Variants in CWF19L2 observed in about 807,000 individuals in gnomAD.
CWF19L2 encodes CWF19 like cell cycle control factor 2, also known as CWF19-like protein 2.
CWF19L2 carries 98 observed loss-of-function variants against 111.7 expected under a neutral mutation model. That is an observed-to-expected ratio of 0.88 (90% confidence interval 0.75 to 1.04). The LOEUF is 1.04. Among genes scored for constraint, CWF19L2 ranks in the 50% least tolerant of loss-of-function variants. The pLI, the probability that CWF19L2 is intolerant of heterozygous loss-of-function variation, is 0.00. For missense variants in CWF19L2, 1,101 were observed against 1,051.4 expected, an observed-to-expected ratio of 1.05 and a Z score of -0.65; for synonymous variants, 351 against 342.9, an observed-to-expected ratio of 1.02 and a Z score of -0.26.
Position 107,360,210 on chromosome 11 carries a change from T to C in CWF19L2, c.1873-6474A>G, listed in dbSNP as rs144879222. 8.9e-3 allele frequency among the ~76,000 whole-genome samples: 1,359 copies of C among 152,374 alleles called. 15 individuals are homozygous for C. The highest frequency in any genetic ancestry group is 0.014 in the Non-Finnish European group (966 of 68,034). On this transcript the variant is annotated intron_variant, in intron 12 of 17. Coordinates refer to ENST00000282251, the MANE Select transcript of CWF19L2 (RefSeq NM_152434.3). Reference sequence around the variant, plus strand: ...CCCACTTAAAAGTGAGAACATGTGATATTTGTCTTTCTGTGCCCGACTTGT... The same window carrying C: ...CCCACTTAAAAGTGAGAACATGTGACATTTGTCTTTCTGTGCCCGACTTGT...
chr11:107,413,510 T>A (rs906379779), intron 10 of CWF19L2, among the ~76,000 whole-genome samples: 1 of 152,146 alleles, frequency 6.6e-6, no homozygotes, highest in South Asian at 2.1e-4. Context: ...TGCAGGAAGA[T>A]CTGGTACTAA....
At chr11:107,329,506 G>A (rs1859811504) in intron 17 of CWF19L2, among the ~76,000 whole-genome samples, 1 of 152,136 alleles carries the variant, frequency 6.6e-6, no homozygotes, top group African/African-American at 2.4e-5. Flanking sequence ...TAATCTCTCT[G>A]TAGCTCAGTT....
At chr11:107,457,542 A>C (rs1383437613) in intron 1 of CWF19L2, among the ~76,000 whole-genome samples, 170 bp downstream of exon 1, 2 of 152,196 alleles carry the variant, frequency 1.3e-5, no homozygotes, top group Non-Finnish European at 2.9e-5. Flanking sequence ...AGAACATCTA[A>C]AAAATCGGTA....
At position 107,337,370 on chromosome 11, in the gene CWF19L2, TGTGTGTGTGTGTG is replaced by T. The variant is rs1332782629; in HGVS notation, c.2203-670_2203-658del. 4.2e-3 allele frequency among the ~76,000 whole-genome samples: 27 copies of T among 6,404 alleles called. No individual in the cohort carries two copies. The African/African-American group carries it at 0.049, about 12-fold the overall frequency. 4.2% of individuals were successfully genotyped at this position (6,404 alleles called of 152,430 possible). A position where few individuals can be genotyped will look rare whatever the true frequency, so the allele number is the denominator to read the frequency against. ...ATCAGTTGTGGAGGTGTGTGTTTTG[TGTGTGTGTGTGTG>T]TGTGTGTGTGTGTGTGTGTGTGTGT... is the stretch of plus-strand genomic sequence containing the variant. On this transcript the variant is annotated intron_variant, in intron 14 of 17. Transcript: ENST00000282251.
intron 8 of CWF19L2, among the ~76,000 whole-genome samples, chr11:107,427,994 T>C (rs78562109): frequency 0.013 from 1,962 of 152,260 alleles, 25 homozygotes; most frequent in South Asian, 0.037. Context: ...TACAACCATG[T>C]GTTTCTATTA....
rs1859769685 is a variant in CWF19L2 at position 107,326,933 on chromosome 11, A to G, written c.2662T>C (p.Phe888Leu). The stretch of plus-strand genomic sequence containing the variant: ...CCTCAATAGTTTTTACTTTTGGTGA[A>G]GTCATATGGTTTCCACCACTGAGCA... ...QFAQWWKPYD[F>L]TKSKNY Residue 888 changes from phenylalanine to leucine, a missense_variant, in exon 18 of 18, where the codon TTC becomes CTC. Transcript: ENST00000282251. 1 of 1,600,574 alleles carries G rather than the reference A, an allele frequency of 6.2e-7. No individual in the cohort carries two copies. Among genetic ancestry groups the G allele is most frequent in the Non-Finnish European group, 8.5e-7 (1 of 1,175,242 alleles).
At chr11:107,434,684 A>AG (rs1039973853) in intron 6 of CWF19L2, among the ~76,000 whole-genome samples, 2 of 101,766 alleles carry the variant, frequency 2.0e-5, no homozygotes, top group South Asian at 2.3e-4. Context: ...AAAAAAAAAA[A>AG]AAAAAGAAAA....
At position 107,457,794 on chromosome 11, in the gene CWF19L2, G is replaced by T. The variant is rs563302361; in HGVS notation, c.23C>A (p.Ala8Asp). Residue 8 changes from alanine to aspartate, a missense_variant, in exon 1 of 18, where the codon GCT becomes GAT. Ala to Asp is a moderately radical substitution (Grantham distance 126). Coordinates refer to ENST00000282251, the MANE Select transcript of CWF19L2 (RefSeq NM_152434.3). MATSMAAASGRFESAKSI... is the reference protein window; with the variant it reads MATSMAADSGRFESAKSI... Reference sequence around the variant, plus strand: ...CTTCGCACTTTCAAATCTACCACTAGCAGCCGCCATACTTGTTGCCATCGT... The same window carrying T: ...CTTCGCACTTTCAAATCTACCACTATCAGCCGCCATACTTGTTGCCATCGT... The T allele has an allele frequency of 6.4e-7, 1 of 1,551,612 alleles. No homozygotes were observed. Among genetic ancestry groups the T allele is most frequent in the Admixed American group, 2.0e-5 (1 of 51,000 alleles).
At chr11:107,455,599 A>G in intron 2 of CWF19L2, 67 bp downstream of exon 2, 1 of 866,974 alleles carries the variant, frequency 1.2e-6, no homozygotes, top group South Asian at 1.7e-5. Context: ...TATTCATCCA[A>G]TATTAACTTG....
At chr11:107,361,254 A>T (rs185907162) in intron 12 of CWF19L2, among the ~76,000 whole-genome samples, 1 of 152,312 alleles carries the variant, frequency 6.6e-6, no homozygotes, top group East Asian at 1.9e-4. Context: ...GTCAAAGATC[A>T]GTTGATTGTA....
At chr11:107,343,391 T>C (rs1364904739) in intron 14 of CWF19L2, among the ~76,000 whole-genome samples, 1 of 152,160 alleles carries the variant, frequency 6.6e-6, no homozygotes, top group African/African-American at 2.4e-5. Flanking sequence ...TAATTTCCTC[T>C]GCTCTAACGT....
chr11:107,332,613 T>A (rs987983835), intron 16 of CWF19L2, among the ~76,000 whole-genome samples: 8 of 151,516 alleles, frequency 5.3e-5, no homozygotes, highest in African/African-American at 1.9e-4. Flanking sequence ...ATTAAGGACA[T>A]AAAGTTTTTA....
chr11:107,399,200 T>C (rs1304375283), intron 10 of CWF19L2, among the ~76,000 whole-genome samples: 1 of 152,012 alleles, frequency 6.6e-6, no homozygotes, highest in East Asian at 1.9e-4. Flanking sequence ...ATAAGAAAAG[T>C]AACGGTACCT....
chr11:107,336,577 A>G lies in CWF19L2; in HGVS notation c.2339T>C (p.Met780Thr), dbSNP rs758228582. 1.2e-6 allele frequency: 2 copies of G among 1,603,662 alleles called. No homozygotes were observed. The highest frequency in any genetic ancestry group is 1.7e-6 in the Non-Finnish European group (2 of 1,176,568). ...AAACACCTTAAAATAGATGGGAGCC[A>G]TGTCACCCACTTCCTTGGGAAGAGG... ...CIPLPKEVGD[M>T]APIYFKKAIM... The change falls in exon 15 of 18, where the codon ATG becomes ACG. Residue 780 changes from methionine (M) to threonine (T), a missense_variant. Transcript: ENST00000282251.
intron 11 of CWF19L2, among the ~76,000 whole-genome samples, chr11:107,391,577 T>C (rs1000625491): frequency 6.6e-6 from 1 of 152,220 alleles, no homozygotes; most frequent in African/African-American, 2.4e-5. Context: ...CTGGTCTCCA[T>C]CTAATTCAGT....
At chr11:107,370,796 T>C (rs1173797585) in intron 12 of CWF19L2, among the ~76,000 whole-genome samples, 3 of 137,240 alleles carry the variant, frequency 2.2e-5, no homozygotes, top group African/African-American at 8.8e-5. Flanking sequence ...GGCAATGTTT[T>C]TCATTAGAAT....
intron 7 of CWF19L2, among the ~76,000 whole-genome samples, chr11:107,431,025 A>G (rs1861459317): frequency 6.6e-6 from 1 of 152,058 alleles, no homozygotes; most frequent in Non-Finnish European, 1.5e-5. Context: ...AATTAAAAAA[A>G]AACAAAAAAG....
At chr11:107,404,251 T>C in intron 10 of CWF19L2, 1 of 778,650 alleles carries the variant, frequency 1.3e-6, no homozygotes. Flanking sequence ...TTAAATATTC[T>C]TGTTTTTCTT....
At chr11:107,418,822 C>T (rs999993477) in intron 8 of CWF19L2, among the ~76,000 whole-genome samples, 2 of 152,174 alleles carry the variant, frequency 1.3e-5, no homozygotes, top group Admixed American at 1.3e-4. Context: ...CAAACCTATA[C>T]TATGGAAGCC....
Sources: allele counts gnomAD v4.1 joint callset (sites outside exome capture counted in the v4.1 genomes callset), GRCh38; gene constraint gnomAD v4.1.1; transcripts MANE v1.5; gene names NCBI Gene and HGNC (gene_info 2026-07-23, HGNC 2026-07-21).